ABTB3: variants seen among roughly 807,000 people sequenced by gnomAD.
ABTB3 encodes ankyrin repeat- and BTB/POZ domain-containing protein 3.
At chr12:107,535,375 T>TG in the ABTB3 span, among the ~76,000 whole-genome samples, 1 of 152,006 alleles carries the variant, frequency 6.6e-6, no homozygotes, top group Non-Finnish European at 1.5e-5. Context: ...GGAACAAGGA[T>TG]GCCCACTTTC....
the ABTB3 span, among the ~76,000 whole-genome samples, chr12:107,330,202 A>G: frequency 6.6e-6 from 1 of 152,230 alleles, no homozygotes; most frequent in African/African-American, 2.4e-5. Flanking sequence ...GGTAGAGGTT[A>G]GACTAAGCAT....
the ABTB3 span, among the ~76,000 whole-genome samples, chr12:107,577,366 A>C: frequency 2.0e-5 from 3 of 152,188 alleles, no homozygotes; most frequent in Non-Finnish European, 2.9e-5. Flanking sequence ...GCTGGGATTC[A>C]GTTCTGCAAA....
chr12:107,550,461 A>G, the ABTB3 span, among the ~76,000 whole-genome samples: 1 of 151,302 alleles, frequency 6.6e-6, no homozygotes, highest in Non-Finnish European at 1.5e-5. Context: ...AAATTCTCTG[A>G]ACACAGTAAC....
chr12:107,585,671 G>C, the ABTB3 span, among the ~76,000 whole-genome samples: 1 of 152,248 alleles, frequency 6.6e-6, no homozygotes, highest in Non-Finnish European at 1.5e-5. Context: ...GAGGCTGACA[G>C]GTTTTGTTAT....
At chr12:107,646,938 C>T in the ABTB3 span, among the ~76,000 whole-genome samples, 1 of 152,004 alleles carries the variant, frequency 6.6e-6, no homozygotes, top group African/African-American at 2.4e-5. Flanking sequence ...AAGGGGAGGG[C>T]ATCCTAGCAG....
the ABTB3 span, among the ~76,000 whole-genome samples, chr12:107,606,136 G>C: frequency 2.0e-5 from 3 of 152,162 alleles, no homozygotes; most frequent in African/African-American, 7.2e-5. Context: ...AGGATGGGGG[G>C]TCAGGTCAAA....
the ABTB3 span, among the ~76,000 whole-genome samples, chr12:107,422,897 T>C: frequency 6.6e-6 from 1 of 152,326 alleles, no homozygotes; most frequent in Non-Finnish European, 1.5e-5. Context: ...TTCTCACATG[T>C]AGCCCCCAGC....
the ABTB3 span, among the ~76,000 whole-genome samples, chr12:107,394,924 C>G: frequency 6.6e-6 from 1 of 152,230 alleles, no homozygotes; most frequent in African/African-American, 2.4e-5. Context: ...CTGCACTGTA[C>G]AGACGTCTTG....
chr12:107,544,219 A>G, the ABTB3 span: 22 of 1,442,996 alleles, frequency 1.5e-5, no homozygotes, highest in Non-Finnish European at 1.9e-5. Flanking sequence ...GGGGAGGATG[A>G]TGGGGGTAGA....
the ABTB3 span, chr12:107,318,919 T>C: frequency 1.9e-6 from 3 of 1,568,968 alleles, no homozygotes; most frequent in Non-Finnish European, 2.6e-6. Flanking sequence ...CCCAGGCGGC[T>C]GCAGCATGAA....
At chr12:107,565,807 C>T in the ABTB3 span, among the ~76,000 whole-genome samples, 1 of 152,196 alleles carries the variant, frequency 6.6e-6, no homozygotes, top group Non-Finnish European at 1.5e-5. Flanking sequence ...CAGGCAGGGG[C>T]ACACGTGGTC....
At chr12:107,321,201 G>T in the ABTB3 span, among the ~76,000 whole-genome samples, 1 of 152,204 alleles carries the variant, frequency 6.6e-6, no homozygotes, top group Admixed American at 6.5e-5. Context: ...AGTCTTTCTG[G>T]GCAGATTTCA....
the ABTB3 span, among the ~76,000 whole-genome samples, chr12:107,513,000 A>T: frequency 2.6e-5 from 4 of 152,220 alleles, no homozygotes; most frequent in Non-Finnish European, 5.9e-5. Flanking sequence ...AACCCAGGCA[A>T]TGTCAACCCC....
the ABTB3 span, among the ~76,000 whole-genome samples, chr12:107,368,285 C>A: frequency 6.6e-6 from 1 of 152,190 alleles, no homozygotes; most frequent in Non-Finnish European, 1.5e-5. Flanking sequence ...AGGCTCTGTC[C>A]AGAAGGTGAC....
At chr12:107,327,623 T>TATC in the ABTB3 span, among the ~76,000 whole-genome samples, 2 of 152,326 alleles carry the variant, frequency 1.3e-5, no homozygotes, top group South Asian at 4.1e-4. Flanking sequence ...ACTGCCAAGT[T>TATC]ATCATAGATG....
At chr12:107,627,377 G>A in the ABTB3 span, among the ~76,000 whole-genome samples, 1 of 152,182 alleles carries the variant, frequency 6.6e-6, no homozygotes, top group Non-Finnish European at 1.5e-5. Flanking sequence ...TGTGTGCCAG[G>A]TGCCATTCCA....
the ABTB3 span, chr12:107,650,497 C>A: frequency 6.6e-6 from 1 of 152,206 alleles, no homozygotes; most frequent in Non-Finnish European, 1.5e-5. Flanking sequence ...AGGATGTGGG[C>A]TTATTTGTAA....
chr12:107,532,189 T>C, the ABTB3 span, among the ~76,000 whole-genome samples: 6 of 152,244 alleles, frequency 3.9e-5, no homozygotes, highest in Admixed American at 6.5e-5. Flanking sequence ...ACCCAGGGTC[T>C]GCAATCACCA....
the ABTB3 span, among the ~76,000 whole-genome samples, chr12:107,346,616 C>T: frequency 1.3e-5 from 2 of 152,184 alleles, no homozygotes; most frequent in South Asian, 2.1e-4. Context: ...TGTGGCACCA[C>T]GCCTGGCTAA....
Sources: allele counts gnomAD v4.1 joint callset (sites outside exome capture counted in the v4.1 genomes callset), GRCh38; gene constraint gnomAD v4.1.1; transcripts MANE v1.5; gene names NCBI Gene and HGNC (gene_info 2026-07-23, HGNC 2026-07-21).